Variants in PDCD6 observed in about 807,000 individuals in gnomAD.
PDCD6 encodes programmed cell death protein 6.
In PDCD6, 12 loss-of-function variants were observed where a neutral mutation model predicts 28.3. That is an observed-to-expected ratio of 0.42 (90% CI 0.27 to 0.69). The LOEUF is 0.69. Among genes scored for constraint, PDCD6 ranks in the 30% least tolerant of loss-of-function variants. The pLI is 0.22. For synonymous variants in PDCD6, 92 were observed against 108.0 expected, an observed-to-expected ratio of 0.85 and a Z score of 0.92; for missense variants, 226 against 269.9, an observed-to-expected ratio of 0.84 and a Z score of 1.14.
chr5:310,065 G>A, intron 4 of PDCD6: 1 of 253,612 alleles, frequency 3.9e-6, no homozygotes, highest in Non-Finnish European at 7.8e-6. Flanking sequence ...CTCCCAGACA[G>A]GCAATGTCCC....
chr5:310,547 G>A, intron 4 of PDCD6: 1 of 152,436 alleles, frequency 6.6e-6, no homozygotes, highest in South Asian at 2.1e-4. Context: ...AGGGAAGGCG[G>A]CAGGCGGGGC....
At chr5:287,326 T>TAG (rs371957646) in intron 2 of PDCD6, among the ~76,000 whole-genome samples, 2 of 151,878 alleles carry the variant, frequency 1.3e-5, no homozygotes, top group African/African-American at 2.4e-5. Flanking sequence ...GTTAGGGAAG[T>TAG]AGAGAGAGAG....
At chr5:303,250 AG>A (rs943015101) in intron 2 of PDCD6, among the ~76,000 whole-genome samples, 2 of 149,038 alleles carry the variant, frequency 1.3e-5, no homozygotes, top group Non-Finnish European at 3.0e-5. Context: ...CTCTGAGATC[AG>A]GGGGCTGTCT....
chr5:314,852 G>A lies in PDCD6; in HGVS notation c.*337G>A, dbSNP rs1741167823. On this transcript the variant is annotated 3_prime_UTR_variant, in exon 6 of 6. Coordinates refer to ENST00000264933, the MANE Select transcript of PDCD6 (RefSeq NM_013232.4). ...GTGCAAATGCTTTTATTAGCCAATA[G>A]GAATTTTAAAATAACATGGAACTTA... 2.6e-6 allele frequency: 1 copy of A among 379,432 alleles called. No individual in the cohort carries two copies. The allele number at this position is 379,432 out of a possible 1,614,324, so 23.5% of individuals were successfully genotyped here.
chr5:294,461 G>C (rs112773253), intron 2 of PDCD6, among the ~76,000 whole-genome samples: 1 of 151,314 alleles, frequency 6.6e-6, no homozygotes, highest in Admixed American at 6.6e-5. Context: ...GCTCAACGTC[G>C]TAGAGATGCT....
chr5:311,220 C>A, intron 4 of PDCD6, 73 bp from the exon 5 acceptor site: 2 of 1,123,668 alleles, frequency 1.8e-6, no homozygotes, highest in Middle Eastern at 1.9e-4. Flanking sequence ...GGGCCTTGGG[C>A]AGGAGGGGTG....
chr5:311,675 G>A (rs1256506613), intron 5 of PDCD6: 5 of 403,202 alleles, frequency 1.2e-5, no homozygotes, highest in Non-Finnish European at 2.2e-5. Flanking sequence ...CTGGTGTTGT[G>A]GTTTTTTTTG....
At chr5:276,730 A>G (rs1738221068) in intron 2 of PDCD6, 9 of 984,812 alleles carry the variant, frequency 9.1e-6, no homozygotes, top group African/African-American at 3.5e-5. Context: ...CTGGTTTCTC[A>G]CTTCAGTTAA....
intron 2 of PDCD6, among the ~76,000 whole-genome samples, chr5:285,362 G>A (rs1738882840): frequency 6.6e-6 from 1 of 151,712 alleles, no homozygotes; most frequent in Non-Finnish European, 1.5e-5. Context: ...TGAGGGCTGT[G>A]CGCCTGGAGC....
At chr5:283,114 G>T (rs1242107904) in intron 2 of PDCD6, among the ~76,000 whole-genome samples, 6 of 151,798 alleles carry the variant, frequency 4.0e-5, no homozygotes, top group African/African-American at 1.5e-4. Flanking sequence ...GGATCTCGTA[G>T]CTGCAGAATC....
At chr5:294,885 C>T (rs1223260045) in intron 2 of PDCD6, among the ~76,000 whole-genome samples, 3 of 152,156 alleles carry the variant, frequency 2.0e-5, no homozygotes, top group Non-Finnish European at 4.4e-5. Flanking sequence ...TGCCCCAGGT[C>T]TCCCAGGCCA....
At chr5:304,823 C>A (rs1172605204) in intron 3 of PDCD6, 2 of 152,096 alleles carry the variant, frequency 1.3e-5, no homozygotes, top group Non-Finnish European at 2.9e-5. Context: ...TTCTTTGGGT[C>A]CAGGGTCTCC....
At chr5:311,261 G>A in intron 4 of PDCD6, 32 bp from the exon 5 acceptor site, 1 of 1,554,322 alleles carries the variant, frequency 6.4e-7, no homozygotes. Flanking sequence ...GTCTCTCCCA[G>A]CCTTCTCTGA....
chr5:284,183 T>C (rs1738774985), intron 2 of PDCD6, among the ~76,000 whole-genome samples: 1 of 151,610 alleles, frequency 6.6e-6, no homozygotes, highest in Non-Finnish European at 1.5e-5. Flanking sequence ...CTGATGTAGT[T>C]TGAAGGTCTT....
chr5:290,156 T>C, intron 2 of PDCD6: 1 of 1,590,400 alleles, frequency 6.3e-7, no homozygotes, highest in Admixed American at 1.7e-5. Flanking sequence ...AAATCATCCA[T>C]CACTTTCTCC....
chr5:297,733 C>T (rs1479561688), intron 2 of PDCD6, among the ~76,000 whole-genome samples: 1 of 152,196 alleles, frequency 6.6e-6, no homozygotes, highest in Non-Finnish European at 1.5e-5. Flanking sequence ...AACACACACC[C>T]TGTGATTTAA....
intron 2 of PDCD6, among the ~76,000 whole-genome samples, chr5:283,988 G>A (rs1287821691): frequency 6.6e-6 from 1 of 152,130 alleles, no homozygotes; most frequent in East Asian, 1.9e-4. Context: ...AGAAGCTGAT[G>A]TTCTAGTTTA....
intron 2 of PDCD6, among the ~76,000 whole-genome samples, chr5:298,314 A>C (rs1303584264): frequency 2.0e-5 from 3 of 152,016 alleles, no homozygotes; most frequent in African/African-American, 7.3e-5. Context: ...TGAGCCCAGA[A>C]ACTTCACGGT....
intron 2 of PDCD6, chr5:289,536 C>T (rs1211719844): frequency 1.2e-5 from 9 of 745,004 alleles, no homozygotes; most frequent in Admixed American, 4.0e-5. Context: ...CGCTGCAAGT[C>T]GCTTGAATGG....
Sources: allele counts gnomAD v4.1 joint callset (sites outside exome capture counted in the v4.1 genomes callset), GRCh38; gene constraint gnomAD v4.1.1; transcripts MANE v1.5; gene names NCBI Gene and HGNC (gene_info 2026-07-23, HGNC 2026-07-21).